EPHA6: variants seen among roughly 807,000 people sequenced by gnomAD.
The protein encoded by EPHA6 is EPH receptor A6.
In EPHA6, 50 loss-of-function variants were observed where a neutral mutation model predicts 112.0. The ratio of observed to expected loss-of-function variants is 0.45; its 90% CI spans 0.36 to 0.56. EPHA6 has a LOEUF of 0.56. Among genes scored for constraint, EPHA6 ranks in the 20% least tolerant of loss-of-function variants. The pLI is 0.00. For missense variants in EPHA6, 1,280 were observed against 1,417.4 expected, an observed-to-expected ratio of 0.90 and a Z score of 1.56; for synonymous variants, 529 against 490.7, an observed-to-expected ratio of 1.08 and a Z score of -1.03.
chr3:97,006,275 A>G (rs964073317), intron 3 of EPHA6, among the ~76,000 whole-genome samples: 7 of 152,148 alleles, frequency 4.6e-5, no homozygotes, highest in African/African-American at 9.7e-5. Flanking sequence ...TAGGCTATTA[A>G]TTACTGCCTC....
chr3:96,982,859 A>G (rs1486234592), intron 2 of EPHA6, among the ~76,000 whole-genome samples: 2 of 152,104 alleles, frequency 1.3e-5, no homozygotes, highest in African/African-American at 4.8e-5. Context: ...CTGTTTTATC[A>G]GAGACTAGGA....
At chr3:96,916,370 T>C (rs1186862390) in intron 2 of EPHA6, among the ~76,000 whole-genome samples, 1 of 152,170 alleles carries the variant, frequency 6.6e-6, no homozygotes, top group Non-Finnish European at 1.5e-5. Flanking sequence ...CTCCTTTTTT[T>C]TGGTAACATC....
chr3:97,286,974 C>A (rs1423785811), intron 5 of EPHA6, among the ~76,000 whole-genome samples: 1 of 149,776 alleles, frequency 6.7e-6, no homozygotes, highest in Non-Finnish European at 1.5e-5. Context: ...TAAATTTATT[C>A]CTAGGTTTTT....
intron 3 of EPHA6, among the ~76,000 whole-genome samples, chr3:97,171,691 TG>T (rs1309959394): frequency 6.6e-6 from 1 of 151,706 alleles, no homozygotes; most frequent in African/African-American, 2.4e-5. Context: ...ATGCAGTTAG[TG>T]GGGAGGAAGA....
intron 1 of EPHA6, among the ~76,000 whole-genome samples, chr3:96,846,251 C>T (rs540102020): frequency 1.3e-5 from 2 of 152,070 alleles, no homozygotes; most frequent in East Asian, 3.9e-4. Context: ...AGCGGTAATT[C>T]TCAAAATGTA....
intron 2 of EPHA6, among the ~76,000 whole-genome samples, chr3:96,885,764 G>T (rs1576236701): frequency 6.6e-6 from 1 of 151,584 alleles, no homozygotes; most frequent in Admixed American, 6.6e-5. Flanking sequence ...TTTTCCACTG[G>T]GTTTGGGTTT....
chr3:97,146,666 T>A (rs1044118066), intron 3 of EPHA6, among the ~76,000 whole-genome samples: 1 of 151,978 alleles, frequency 6.6e-6, no homozygotes, highest in Non-Finnish European at 1.5e-5. Context: ...TTTTAAAAAA[T>A]TTTTCATGTT....
intron 6 of EPHA6, among the ~76,000 whole-genome samples, chr3:97,421,061 T>G (rs775724714): frequency 4.6e-5 from 7 of 152,078 alleles, no homozygotes; most frequent in Non-Finnish European, 1.0e-4. Context: ...TTCTTTAACA[T>G]AATTCAGATC....
chr3:97,149,428 T>A (rs572391241), intron 3 of EPHA6, among the ~76,000 whole-genome samples: 4 of 152,234 alleles, frequency 2.6e-5, no homozygotes, highest in South Asian at 4.1e-4. Flanking sequence ...GCAGCAAGAA[T>A]CTATCATCTG....
At chr3:97,217,877 G>C (rs1401108972) in intron 3 of EPHA6, among the ~76,000 whole-genome samples, 2 of 152,050 alleles carry the variant, frequency 1.3e-5, no homozygotes, top group Admixed American at 6.6e-5. Context: ...TAGAAACCAG[G>C]TATTGTCATA....
chr3:97,549,116 G>T (rs1232877765), intron 11 of EPHA6, among the ~76,000 whole-genome samples: 1 of 152,160 alleles, frequency 6.6e-6, no homozygotes, highest in African/African-American at 2.4e-5. Flanking sequence ...TTGTGTATTA[G>T]CTAACTATAC....
At chr3:97,432,101 A>G (rs975082520) in intron 6 of EPHA6, among the ~76,000 whole-genome samples, 3 of 152,104 alleles carry the variant, frequency 2.0e-5, no homozygotes, top group African/African-American at 7.2e-5. Context: ...TCCCACATAT[A>G]GATCTCAACT....
At chr3:97,332,325 G>A (rs892068130) in intron 5 of EPHA6, among the ~76,000 whole-genome samples, 4 of 152,132 alleles carry the variant, frequency 2.6e-5, no homozygotes, top group South Asian at 4.2e-4. Context: ...AAAACTGGAA[G>A]CATTCCCTTT....
chr3:97,433,009 C>T (rs1364404355), intron 6 of EPHA6, among the ~76,000 whole-genome samples: 1 of 152,136 alleles, frequency 6.6e-6, no homozygotes, highest in African/African-American at 2.4e-5. Context: ...CTGTTAGAAA[C>T]TATAAAAGAA....
chr3:97,383,119 G>A (rs775792891), intron 5 of EPHA6, among the ~76,000 whole-genome samples: 6 of 151,980 alleles, frequency 3.9e-5, no homozygotes, highest in Non-Finnish European at 8.8e-5. Flanking sequence ...AGTTGATTCT[G>A]TAGTATTGAA....
At chr3:97,711,698 G>A (rs2033976865) in intron 14 of EPHA6, among the ~76,000 whole-genome samples, 2 of 152,070 alleles carry the variant, frequency 1.3e-5, no homozygotes, top group African/African-American at 2.4e-5. Context: ...TTCTATCTGG[G>A]CCCTCAGTAG....
intron 1 of EPHA6, among the ~76,000 whole-genome samples, chr3:96,831,887 T>G (rs2034106205): frequency 6.6e-6 from 1 of 152,008 alleles, no homozygotes; most frequent in African/African-American, 2.4e-5. Context: ...AATGTAGGCA[T>G]CCGGAATTAT....
chr3:97,070,907 A>T (rs1482783632), intron 3 of EPHA6, among the ~76,000 whole-genome samples: 1 of 152,204 alleles, frequency 6.6e-6, no homozygotes. Context: ...AAGCAGATAA[A>T]CGGTATTATT....
At chr3:96,926,866 C>A (rs2107644891) in intron 2 of EPHA6, among the ~76,000 whole-genome samples, 1 of 152,276 alleles carries the variant, frequency 6.6e-6, no homozygotes, top group Admixed American at 6.5e-5. Flanking sequence ...GTCAGTGGAT[C>A]TACCATTCTG....
Sources: allele counts gnomAD v4.1 joint callset (sites outside exome capture counted in the v4.1 genomes callset), GRCh38; gene constraint gnomAD v4.1.1; transcripts MANE v1.5; gene names NCBI Gene and HGNC (gene_info 2026-07-23, HGNC 2026-07-21).